SLC13A3: variants seen among roughly 807,000 people sequenced by gnomAD.
The protein encoded by SLC13A3 is solute carrier family 13 member 3, also known as Na(+)/dicarboxylate cotransporter 3.
SLC13A3 carries 40 observed loss-of-function variants against 59.0 expected under a neutral mutation model. The observed-to-expected ratio is 0.68, with a 90% confidence interval of 0.53 to 0.88. The LOEUF (loss-of-function observed/expected upper bound fraction) is 0.88, where lower values mean the gene tolerates loss of function less well. SLC13A3 is among the 40% of genes least tolerant of loss of function. The probability of loss-of-function intolerance (pLI) is 0.00; values close to 1 mark genes in which losing one functional copy is unlikely to be tolerated. For missense variants in SLC13A3, 699 were observed against 783.2 expected, an observed-to-expected ratio of 0.89 and a Z score of 1.28; for synonymous variants, 317 against 330.3, an observed-to-expected ratio of 0.96 and a Z score of 0.44.
At chr20:46,637,962 G>C (rs921617258) in intron 1 of SLC13A3, among the ~76,000 whole-genome samples, 1 of 152,190 alleles carries the variant, frequency 6.6e-6, no homozygotes, top group African/African-American at 2.4e-5. Context: ...AGAAGTACAG[G>C]TTCCATATCA....
intron 9 of SLC13A3, among the ~76,000 whole-genome samples, chr20:46,580,800 T>C (rs2062128100): frequency 6.6e-6 from 1 of 152,138 alleles, no homozygotes; most frequent in Non-Finnish European, 1.5e-5. Flanking sequence ...AAACAGGTCC[T>C]GGGCGGAAGC....
At chr20:46,626,806 G>C (rs976914850) in intron 1 of SLC13A3, among the ~76,000 whole-genome samples, 2 of 133,664 alleles carry the variant, frequency 1.5e-5, no homozygotes, top group African/African-American at 5.5e-5. Context: ...ATGCTAAGTG[G>C]TGGGCTCTCA....
At chr20:46,609,902 G>A (rs2062476394) in intron 3 of SLC13A3, among the ~76,000 whole-genome samples, 1 of 152,092 alleles carries the variant, frequency 6.6e-6, no homozygotes, top group South Asian at 2.1e-4. Flanking sequence ...CAAAACTGCT[G>A]GGTTACAGAG....
At chr20:46,563,875 T>C (rs1157204770) in intron 11 of SLC13A3, among the ~76,000 whole-genome samples, 1 of 152,250 alleles carries the variant, frequency 6.6e-6, no homozygotes, top group African/African-American at 2.4e-5. Flanking sequence ...AGGGCCACAC[T>C]GTGGTTTGAT....
At chr20:46,654,296 G>A (rs778242495), upstream of SLC13A3, among the ~76,000 whole-genome samples, 15 of 152,026 alleles carry the variant, frequency 9.9e-5, no homozygotes, top group Non-Finnish European at 2.1e-4. Context: ...TAGCATTTTG[G>A]TTTTTGTCAC....
chr20:46,657,804 C>A (rs2122905057), intron 1 of SLC13A3, among the ~76,000 whole-genome samples: 1 of 152,254 alleles, frequency 6.6e-6, no homozygotes, highest in South Asian at 2.1e-4. Context: ...GCAGGCAGGT[C>A]ACATGTCCAG....
upstream of SLC13A3, among the ~76,000 whole-genome samples, chr20:46,655,069 C>A (rs556123272): frequency 5.3e-5 from 8 of 152,110 alleles, no homozygotes; most frequent in Non-Finnish European, 1.0e-4. Flanking sequence ...AGGTTCATTT[C>A]TCTTTCTCTT....
chr20:46,669,090 T>C (rs1022066166), intron 1 of SLC13A3, among the ~76,000 whole-genome samples: 1 of 152,182 alleles, frequency 6.6e-6, no homozygotes, highest in African/African-American at 2.4e-5. Flanking sequence ...GAAATAGAGC[T>C]GAAATCCCAA....
intron 7 of SLC13A3, among the ~76,000 whole-genome samples, chr20:46,588,371 A>C (rs2694886): frequency 0.28 from 42,732 of 151,738 alleles, 8,399 homozygotes; most frequent in African/African-American, 0.55. Context: ...GACTTCCACG[A>C]TCCCTCAGGA....
chr20:46,576,637 T>C (rs1229519286), intron 9 of SLC13A3, among the ~76,000 whole-genome samples: 1 of 152,164 alleles, frequency 6.6e-6, no homozygotes, highest in Non-Finnish European at 1.5e-5. Flanking sequence ...TGTCAAATAA[T>C]GTACATGACA....
upstream of SLC13A3, among the ~76,000 whole-genome samples, chr20:46,674,604 C>CGCGCGCGCGCGCGTGT (rs370861850): frequency 2.4e-4 from 31 of 127,870 alleles, no homozygotes; most frequent in African/African-American, 9.5e-4. Context: ...CGCGCGCGCG[C>CGCGCGCGCGCGCGTGT]GTGTGTGTGT....
At chr20:46,679,469 C>T (rs1436859428) in intron 1 of SLC13A3, among the ~76,000 whole-genome samples, 1 of 152,174 alleles carries the variant, frequency 6.6e-6, no homozygotes, top group Non-Finnish European at 1.5e-5. Context: ...CAAAAATTCG[C>T]CGGGCGTGGT....
intron 10 of SLC13A3, among the ~76,000 whole-genome samples, chr20:46,573,634 T>C (rs1370971485): frequency 6.6e-6 from 1 of 152,234 alleles, no homozygotes; most frequent in Non-Finnish European, 1.5e-5. Flanking sequence ...ATCGGCTATA[T>C]GTATTGGGCA....
At chr20:46,600,058 G>A in intron 3 of SLC13A3, 21 bp from the exon 4 acceptor site, 1 of 1,545,006 alleles carries the variant, frequency 6.5e-7, no homozygotes, top group Non-Finnish European at 8.8e-7. Flanking sequence ...AGAGCATGAT[G>A]TCTTTAATGT....
intron 1 of SLC13A3, among the ~76,000 whole-genome samples, chr20:46,632,284 C>T (rs1405682547): frequency 2.6e-5 from 4 of 152,198 alleles, no homozygotes; most frequent in African/African-American, 9.6e-5. Context: ...CAGGACTGAG[C>T]CTGCGAAGTG....
In SLC13A3 at chr20:46,651,373, G is replaced by C; in HGVS notation, c.49C>G (p.Leu17Val). 2 of 1,509,514 alleles carry C rather than the reference G, an allele frequency of 1.3e-6. No homozygotes were observed. Among genetic ancestry groups the C allele is most frequent in the Non-Finnish European group, 1.8e-6 (2 of 1,132,742 alleles). The allele number at this position is 1,509,514 out of a possible 1,614,324, so 93.5% of individuals were successfully genotyped here. A position where few individuals can be genotyped will look rare whatever the true frequency, so the allele number is the denominator to read the frequency against. The change falls in exon 1 of 13, where the codon CTG becomes GTG. Residue 17 changes from leucine to valine, a missense_variant. Coordinates refer to ENST00000279027, the MANE Select transcript of SLC13A3 (RefSeq NM_022829.6). ...AGCGGCGTGAACAGCAGCACCAGCA[G>C]CCGCCGCGCGCTCCACACCTTCTTG... ...AAKKVWSARR[L>V]LVLLFTPLAL...
chr20:46,589,047 G>T, intron 7 of SLC13A3, 113 bp downstream of exon 7: 1 of 872,930 alleles, frequency 1.1e-6, no homozygotes, highest in Non-Finnish European at 1.8e-6. Flanking sequence ...CACGCCACGG[G>T]TCCTGGAATT....
At chr20:46,674,604 C>CGCGCGCGCGCGCGCGCGTGT (rs370861850), upstream of SLC13A3, among the ~76,000 whole-genome samples, 3 of 127,882 alleles carry the variant, frequency 2.3e-5, no homozygotes, top group African/African-American at 9.5e-5. Context: ...CGCGCGCGCG[C>CGCGCGCGCGCGCGCGCGTGT]GTGTGTGTGT....
Position 46,559,885 on chromosome 20 carries a change from C to A in SLC13A3, c.*137G>T. ...ATAATGGCTCATGGACTTGAGTGGG[C>A]CACTGGAGGTCACCCTTGCTTGCTG... On this transcript the variant is annotated 3_prime_UTR_variant, in exon 13 of 13. Coordinates refer to ENST00000279027, the MANE Select transcript of SLC13A3 (RefSeq NM_022829.6). 1 of 792,178 alleles carries A rather than the reference C, an allele frequency of 1.3e-6. No homozygotes were observed. The highest frequency in any genetic ancestry group is 2.0e-6 in the Non-Finnish European group (1 of 499,084). The allele number at this position is 792,178 out of a possible 1,614,324, so 49.1% of individuals were successfully genotyped here.
Sources: gnomAD v4.1 joint callset for allele counts (sites outside exome capture counted in the v4.1 genomes callset) on GRCh38, gnomAD v4.1.1 for gene constraint, MANE v1.5 for transcripts, NCBI Gene and HGNC (gene_info 2026-07-23, HGNC 2026-07-21) for gene names.